The following CTNND2 variants were observed in gnomAD, a reference collection of about 807,000 sequenced individuals.
CTNND2 encodes catenin delta 2, also known as catenin delta-2.
A neutral mutation model predicts 144.4 loss-of-function variants in CTNND2; 22 were observed. The observed-to-expected ratio is 0.15, with a 90% confidence interval of 0.11 to 0.22. The LOEUF (loss-of-function observed/expected upper bound fraction) is 0.22, where lower values mean the gene tolerates loss of function less well. Among genes scored for constraint, CTNND2 ranks in the 10% least tolerant of loss-of-function variants. CTNND2 has a pLI of 1.00. For missense variants in CTNND2, 1,353 were observed against 1,618.8 expected, an observed-to-expected ratio of 0.84 and a Z score of 2.82; for synonymous variants, 751 against 695.6, an observed-to-expected ratio of 1.08 and a Z score of -1.25.
chr5:11,294,318 C>T (rs998036307), intron 9 of CTNND2, among the ~76,000 whole-genome samples: 4 of 152,088 alleles, frequency 2.6e-5, no homozygotes, highest in African/African-American at 4.8e-5. Flanking sequence ...CACATAAAGC[C>T]CATCTGTTTC....
At chr5:11,109,702 T>TA (rs1464442487) in intron 14 of CTNND2, among the ~76,000 whole-genome samples, 2 of 152,030 alleles carry the variant, frequency 1.3e-5, no homozygotes, top group African/African-American at 4.8e-5. Context: ...AAGCATACAT[T>TA]AACTTAGTGC....
chr5:11,065,409 G>A (rs1350327965), intron 16 of CTNND2, among the ~76,000 whole-genome samples: 1 of 152,190 alleles, frequency 6.6e-6, no homozygotes, highest in African/African-American at 2.4e-5. Flanking sequence ...TTATCCCCAG[G>A]AGCCCTGATA....
At chr5:11,529,040 C>T (rs1773512642) in intron 3 of CTNND2, among the ~76,000 whole-genome samples, 1 of 152,186 alleles carries the variant, frequency 6.6e-6, no homozygotes, top group African/African-American at 2.4e-5. Context: ...AGTGTGCTAA[C>T]CAGGACAGAC....
intron 1 of CTNND2, among the ~76,000 whole-genome samples, chr5:11,862,410 A>G (rs191049937): frequency 6.6e-6 from 1 of 152,304 alleles, no homozygotes; most frequent in African/African-American, 2.4e-5. Flanking sequence ...TCAAGTATGC[A>G]CTAACAACAT....
At chr5:11,071,089 G>A (rs1000868032) in intron 16 of CTNND2, among the ~76,000 whole-genome samples, 8 of 152,010 alleles carry the variant, frequency 5.3e-5, no homozygotes, top group Non-Finnish European at 8.8e-5. Context: ...AAGGAAAAGA[G>A]TAGGAAGAAC....
At chr5:11,527,080 C>G (rs906494322) in intron 3 of CTNND2, among the ~76,000 whole-genome samples, 1 of 151,818 alleles carries the variant, frequency 6.6e-6, no homozygotes, top group Admixed American at 6.6e-5. Flanking sequence ...TGGGGGAGAG[C>G]AGATGGGGAG....
At chr5:11,203,311 C>G (rs1298887670) in intron 10 of CTNND2, among the ~76,000 whole-genome samples, 1 of 152,150 alleles carries the variant, frequency 6.6e-6, no homozygotes, top group African/African-American at 2.4e-5. Context: ...CCAATTTATC[C>G]CCCTAGTCGA....
intron 1 of CTNND2, among the ~76,000 whole-genome samples, chr5:11,794,418 C>A (rs946671844): frequency 2.6e-5 from 4 of 152,132 alleles, no homozygotes; most frequent in African/African-American, 7.2e-5. Context: ...AAATTGTGTG[C>A]GCAGATGCTA....
intron 2 of CTNND2, among the ~76,000 whole-genome samples, chr5:11,612,585 CTACGA>C (rs1398855627): frequency 1.3e-5 from 2 of 152,212 alleles, no homozygotes; most frequent in East Asian, 3.9e-4. Flanking sequence ...CTTACTAATA[CTACGA>C]TGCTTACTAT....
At chr5:11,617,016 C>T (rs1212168015) in intron 2 of CTNND2, among the ~76,000 whole-genome samples, 1 of 152,168 alleles carries the variant, frequency 6.6e-6, no homozygotes, top group African/African-American at 2.4e-5. Flanking sequence ...CATACATTTT[C>T]TTCCATTATT....
In CTNND2 at chr5:11,385,207, T is replaced by A; in HGVS notation, c.635A>T (p.His212Leu). 1 of 1,053,296 alleles carries A rather than the reference T, an allele frequency of 9.5e-7. No individual in the cohort carries two copies. The highest frequency in any genetic ancestry group is 4.4e-5 in the South Asian group (1 of 22,704). 65.2% of individuals were successfully genotyped at this position (1,053,296 alleles called of 1,614,324 possible). Residue 212 changes from histidine to leucine, a missense_variant, in exon 7 of 22, where the codon CAC becomes CTC. This residue lies in a region of CTNND2 where 708 missense variants were observed against 706.4 expected (regional missense o/e 1.00). Transcript: ENST00000304623. ...FSQGTTSRAG[H>L]LAGPEPAPPP... ...CGGCGCGGGCTCGGGCCCCGCCAGG[T>A]GGCCGGCGCGGCTGGTCGTGCCCTG... is the stretch of plus-strand genomic sequence containing the variant.
chr5:11,164,638 G>A (rs1164822823), intron 11 of CTNND2, among the ~76,000 whole-genome samples: 4 of 152,054 alleles, frequency 2.6e-5, no homozygotes, highest in Non-Finnish European at 4.4e-5. Flanking sequence ...CCTTTGTGTC[G>A]CAGATCCCTG....
chr5:11,222,322 G>A (rs556467253), intron 10 of CTNND2, among the ~76,000 whole-genome samples: 6 of 152,264 alleles, frequency 3.9e-5, no homozygotes, highest in Admixed American at 6.5e-5. Flanking sequence ...ATCATTGTTC[G>A]CAAGTCATGA....
chr5:11,421,687 C>G (rs1036121889), intron 3 of CTNND2, among the ~76,000 whole-genome samples: 2 of 152,130 alleles, frequency 1.3e-5, no homozygotes, highest in African/African-American at 4.8e-5. Flanking sequence ...ACAACCAGTC[C>G]TAGAGAAAAT....
intron 2 of CTNND2, among the ~76,000 whole-genome samples, chr5:11,586,688 T>C (rs535308553): frequency 4.6e-5 from 7 of 152,346 alleles, no homozygotes; most frequent in African/African-American, 1.7e-4. Context: ...AATTCTTTTT[T>C]CTTAATTGTG....
intron 10 of CTNND2, among the ~76,000 whole-genome samples, chr5:11,226,076 C>T (rs993595872): frequency 6.6e-6 from 1 of 152,174 alleles, no homozygotes; most frequent in African/African-American, 2.4e-5. Context: ...TCAGAGTGAC[C>T]ATGGCCCTGC....
At chr5:11,452,971 C>T (rs763309084) in intron 3 of CTNND2, among the ~76,000 whole-genome samples, 1 of 152,166 alleles carries the variant, frequency 6.6e-6, no homozygotes, top group Admixed American at 6.5e-5. Context: ...ATGGCTACAG[C>T]GATGAGTTCC....
chr5:11,683,579 T>C (rs1784517070), intron 2 of CTNND2, among the ~76,000 whole-genome samples: 1 of 152,254 alleles, frequency 6.6e-6, no homozygotes, highest in African/African-American at 2.4e-5. Flanking sequence ...ACTTACATGG[T>C]ACTTTGCCAA....
intron 15 of CTNND2, among the ~76,000 whole-genome samples, chr5:11,092,916 C>A (rs943888338): frequency 1.3e-5 from 2 of 152,196 alleles, no homozygotes; most frequent in African/African-American, 4.8e-5. Flanking sequence ...CTAAGCTATG[C>A]TAAAGTCAGT....
Sources: allele counts gnomAD v4.1 joint callset (sites outside exome capture counted in the v4.1 genomes callset), GRCh38; gene constraint gnomAD v4.1.1; regional missense constraint gnomAD v4.1.1; transcripts MANE v1.5; gene names NCBI Gene and HGNC (gene_info 2026-07-23, HGNC 2026-07-21).